The following GRIA4 variants were observed in gnomAD, a reference collection of about 807,000 sequenced individuals.
The protein encoded by GRIA4 is glutamate ionotropic receptor AMPA type subunit 4, also known as glutamate receptor 4.
In GRIA4, 34 loss-of-function variants were observed where a neutral mutation model predicts 104.0. That is an observed-to-expected ratio of 0.33 (90% confidence interval 0.25 to 0.44). The LOEUF (loss-of-function observed/expected upper bound fraction) is 0.44, where lower values mean the gene tolerates loss of function less well. Ranked by LOEUF, GRIA4 falls within the 20% of genes least tolerant of loss-of-function variation. GRIA4 has a pLI of 1.00. For synonymous variants in GRIA4, 386 were observed against 381.9 expected, an observed-to-expected ratio of 1.01 and a Z score of -0.13; for missense variants, 750 against 1,096.5, an observed-to-expected ratio of 0.68 and a Z score of 4.46.
intron 4 of GRIA4, among the ~76,000 whole-genome samples, chr11:105,816,464 T>C (rs1943379643): frequency 1.3e-5 from 2 of 152,166 alleles, no homozygotes; most frequent in Admixed American, 1.3e-4. Flanking sequence ...CTCTTGCTCC[T>C]GCTTTCACCA....
intron 3 of GRIA4, among the ~76,000 whole-genome samples, chr11:105,631,462 C>A (rs899620366): frequency 6.6e-6 from 1 of 152,130 alleles, no homozygotes; most frequent in Non-Finnish European, 1.5e-5. Context: ...CCTTTGGCAG[C>A]CCCAGATTAG....
intron 3 of GRIA4, among the ~76,000 whole-genome samples, chr11:105,724,972 A>G (rs1332677992): frequency 2.6e-5 from 4 of 152,160 alleles, no homozygotes; most frequent in Admixed American, 2.6e-4. Context: ...TTTAGAAATC[A>G]ATGTTTGCAT....
rs148750257 is a variant in GRIA4, at chr11:105,808,693, T to C, written c.488-53331T>C. Among the ~76,000 whole-genome samples, 54 of 152,188 alleles carry C rather than the reference T, an allele frequency of 3.5e-4. 1 individual carries two copies. The East Asian group carries it at 9.7e-3, about 27-fold the overall frequency. On this transcript the variant is annotated intron_variant, in intron 4 of 16. Coordinates refer to ENST00000282499, the MANE Select transcript of GRIA4 (RefSeq NM_000829.4). The stretch of plus-strand genomic sequence containing the variant: ...TTTAAGTCCATCTTCTCCCTAAATA[T>C]AAATAAGTACATGGCTAACCTGTCT...
chr11:105,875,960 T>C (rs1945804745), intron 5 of GRIA4, among the ~76,000 whole-genome samples: 1 of 152,276 alleles, frequency 6.6e-6, no homozygotes, highest in South Asian at 2.1e-4. Context: ...TGCTAGCTTT[T>C]GAATTTGTTT....
In GRIA4 at chr11:105,683,476, CT is replaced by C. The variant is rs973258535; in HGVS notation, c.248-69499del. Among the ~76,000 whole-genome samples, 4 of 151,688 alleles carry C rather than the reference CT, an allele frequency of 2.6e-5. No individual in the cohort carries two copies. The South Asian group carries it at 8.3e-4, about 31-fold the overall frequency. On this transcript the variant is annotated intron_variant, in intron 3 of 16. Coordinates refer to ENST00000282499, the MANE Select transcript of GRIA4 (RefSeq NM_000829.4). ...AAGGCTCCTGAAGACTAGAGGAATGCTTTTTTCAGTGTAAAAACAATGTATA... is the reference window on the plus strand; with the variant it reads ...AAGGCTCCTGAAGACTAGAGGAATGCTTTTTCAGTGTAAAAACAATGTATA...
chr11:105,826,115 C>G (rs1943761618), intron 4 of GRIA4, among the ~76,000 whole-genome samples: 1 of 152,036 alleles, frequency 6.6e-6, no homozygotes, highest in Non-Finnish European at 1.5e-5. Context: ...CCCTTGAGGA[C>G]AAGCTGGCCT....
intron 5 of GRIA4, among the ~76,000 whole-genome samples, chr11:105,882,679 T>C (rs1304113932): frequency 3.3e-5 from 5 of 152,174 alleles, no homozygotes; most frequent in Admixed American, 6.5e-5. Flanking sequence ...TGTATTTTAG[T>C]CATTTCTGTG....
chr11:105,720,562 T>A (rs144646967), intron 3 of GRIA4, among the ~76,000 whole-genome samples: 1 of 152,210 alleles, frequency 6.6e-6, no homozygotes, highest in African/African-American at 2.4e-5. Flanking sequence ...TATGATGCCA[T>A]TAAGGACCAA....
At chr11:105,965,828 G>A in intron 14 of GRIA4, 3 of 743,880 alleles carry the variant, frequency 4.0e-6, no homozygotes, top group Non-Finnish European at 4.7e-6. Flanking sequence ...GCTGCAGGAT[G>A]GTAAAATGAG....
At chr11:105,912,823 A>G in intron 10 of GRIA4, 1 of 984,172 alleles carries the variant, frequency 1.0e-6, no homozygotes, top group Non-Finnish European at 1.2e-6. Context: ...TCATTATGAA[A>G]GAAATCCCTT....
intron 3 of GRIA4, among the ~76,000 whole-genome samples, chr11:105,634,180 C>G (rs1246471072): frequency 6.6e-6 from 1 of 151,774 alleles, no homozygotes; most frequent in Non-Finnish European, 1.5e-5. Context: ...AACCCCGACT[C>G]TACTAAAAAT....
chr11:105,948,000 C>T (rs539871164), intron 14 of GRIA4, among the ~76,000 whole-genome samples: 5 of 152,292 alleles, frequency 3.3e-5, no homozygotes, highest in African/African-American at 1.2e-4. Flanking sequence ...CAGAGAGTAA[C>T]AGAAAAGCTA....
intron 4 of GRIA4, among the ~76,000 whole-genome samples, chr11:105,835,509 C>G (rs1177822528): frequency 6.6e-6 from 1 of 151,930 alleles, no homozygotes. Context: ...TATTGAAATA[C>G]AGCCATGTAC....
chr11:105,733,506 G>C (rs1352823307), intron 3 of GRIA4, among the ~76,000 whole-genome samples: 1 of 151,918 alleles, frequency 6.6e-6, no homozygotes, highest in Admixed American at 6.6e-5. Context: ...ACCCAGGCTG[G>C]AGTGCAGTGG....
intron 3 of GRIA4, among the ~76,000 whole-genome samples, chr11:105,681,549 T>C (rs934722268): frequency 2.6e-5 from 4 of 152,216 alleles, no homozygotes; most frequent in African/African-American, 9.7e-5. Context: ...TCTATCACTG[T>C]ACTATCCAGT....
chr11:105,644,010 C>T (rs559772486), intron 3 of GRIA4, among the ~76,000 whole-genome samples: 2 of 152,314 alleles, frequency 1.3e-5, no homozygotes, highest in African/African-American at 2.4e-5. Context: ...TGAGCCACCA[C>T]TCCTGGCCCT....
chr11:105,639,562 G>A (rs1951301313), intron 3 of GRIA4, among the ~76,000 whole-genome samples: 1 of 151,840 alleles, frequency 6.6e-6, no homozygotes, highest in African/African-American at 2.4e-5. Flanking sequence ...CATATTCAAT[G>A]TAGTATTTTA....
intron 4 of GRIA4, among the ~76,000 whole-genome samples, chr11:105,761,638 G>C (rs2000523): frequency 0.69 from 104,296 of 151,982 alleles, 36,179 homozygotes; most frequent in African/African-American, 0.8. Flanking sequence ...AATGAAAAGG[G>C]CTGTGTTCTA....
chr11:105,882,296 T>C (rs1223662521), intron 5 of GRIA4, among the ~76,000 whole-genome samples: 1 of 152,210 alleles, frequency 6.6e-6, no homozygotes, highest in East Asian at 1.9e-4. Context: ...GTTATTTCTA[T>C]TCTAGTGTGC....
Sources: gnomAD v4.1 joint callset for allele counts (sites outside exome capture counted in the v4.1 genomes callset) on GRCh38, gnomAD v4.1.1 for gene constraint, MANE v1.5 for transcripts, NCBI Gene and HGNC (gene_info 2026-07-23, HGNC 2026-07-21) for gene names.